Variants in FILIP1L observed in about 807,000 individuals in gnomAD.
FILIP1L encodes the protein filamin A-interacting protein 1-like.
In FILIP1L, 55 loss-of-function variants were observed where a neutral mutation model predicts 96.6. That is an observed-to-expected ratio of 0.57 (90% confidence interval 0.46 to 0.71). The LOEUF (loss-of-function observed/expected upper bound fraction) is 0.71, where lower values mean the gene tolerates loss of function less well. FILIP1L is among the 30% of genes least tolerant of loss of function. FILIP1L has a pLI of 0.00. For missense variants in FILIP1L, 1,304 were observed against 1,321.2 expected (o/e 0.99, Z 0.20); for synonymous variants, 467 against 473.9 (o/e 0.99, Z 0.19).
chr3:99,969,738 T>G (rs562979413), intron 1 of FILIP1L, among the ~76,000 whole-genome samples: 258 of 152,166 alleles, frequency 1.7e-3, no homozygotes, highest in Non-Finnish European at 3.1e-3. Flanking sequence ...AGTTGCAGGG[T>G]TTGACCTTGG....
intron 1 of FILIP1L, among the ~76,000 whole-genome samples, chr3:99,938,062 T>TGC (rs772159885): frequency 2.2e-4 from 20 of 92,048 alleles, no homozygotes; most frequent in Non-Finnish European, 3.5e-4. Flanking sequence ...TGTGTGTGTG[T>TGC]GTGTGTGTGT....
Position 100,066,625 on chromosome 3 carries a change from G to A in FILIP1L, c.-11+47428C>T, listed in dbSNP as rs1383176667. ...CGGCTCACTGCAAGCTCCGCCTCCC[G>A]GGTTCACGCCATTCTCCTGCCTCAG... On this transcript the variant is annotated intron_variant, in intron 1 of 5. Coordinates refer to ENST00000477258, the MANE Select transcript of FILIP1L (RefSeq NM_001387850.1). Among the ~76,000 whole-genome samples, 10 of 128,880 alleles carry A rather than the reference G, an allele frequency of 7.8e-5. 1 individual carries two copies. Among genetic ancestry groups the A allele is most frequent in the African/African-American group, 2.8e-4 (10 of 35,762 alleles). 84.6% of individuals were successfully genotyped at this position (128,880 alleles called of 152,430 possible). A position where few individuals can be genotyped will look rare whatever the true frequency, so the allele number is the denominator to read the frequency against.
At chr3:99,879,264 G>A (rs1444789387) in intron 4 of FILIP1L, among the ~76,000 whole-genome samples, 1 of 152,090 alleles carries the variant, frequency 6.6e-6, no homozygotes, top group Non-Finnish European at 1.5e-5. Context: ...CAAGAAACAA[G>A]GAGATACCAA....
At chr3:99,988,511 C>CAAAAAA (rs757175318) in intron 1 of FILIP1L, among the ~76,000 whole-genome samples, 9 of 47,568 alleles carry the variant, frequency 1.9e-4, no homozygotes, top group Admixed American at 3.0e-4. Context: ...GACTCCATCT[C>CAAAAAA]AAAAAAAAAA....
chr3:99,908,406 A>G (rs1353301445), intron 4 of FILIP1L, among the ~76,000 whole-genome samples: 2 of 152,210 alleles, frequency 1.3e-5, no homozygotes, highest in African/African-American at 2.4e-5. Flanking sequence ...AAATACCATT[A>G]TGTTCCTATC....
At chr3:100,091,438 A>T (rs1338420305) in intron 1 of FILIP1L, among the ~76,000 whole-genome samples, 2 of 152,182 alleles carry the variant, frequency 1.3e-5, no homozygotes, top group Non-Finnish European at 2.9e-5. Flanking sequence ...TTTGTAAGGG[A>T]AGAAGAAGTG....
chr3:99,832,667 A>G (rs1244196264), intron 5 of FILIP1L, among the ~76,000 whole-genome samples: 3 of 146,126 alleles, frequency 2.1e-5, no homozygotes, highest in Non-Finnish European at 3.0e-5. Flanking sequence ...ACACGGTGAA[A>G]CCCTGTCTCT....
At chr3:99,916,556 AC>A (rs1441508331) in intron 4 of FILIP1L, among the ~76,000 whole-genome samples, 1 of 151,980 alleles carries the variant, frequency 6.6e-6, no homozygotes, top group Admixed American at 6.6e-5. Flanking sequence ...TGTGCTAGAC[AC>A]CTTACTTAGC....
At chr3:100,005,393 C>T (rs558366214) in intron 1 of FILIP1L, among the ~76,000 whole-genome samples, 1 of 152,078 alleles carries the variant, frequency 6.6e-6, no homozygotes, top group African/African-American at 2.4e-5. Flanking sequence ...TCCCTCTACC[C>T]CCACTGTATA....
chr3:100,016,837 G>A (rs1034982158), intron 1 of FILIP1L, among the ~76,000 whole-genome samples: 3 of 152,210 alleles, frequency 2.0e-5, no homozygotes, highest in African/African-American at 7.2e-5. Context: ...AGGAACAGAT[G>A]CAGATTTCAT....
At chr3:99,911,244 G>T (rs1266447426) in intron 4 of FILIP1L, among the ~76,000 whole-genome samples, 2 of 151,472 alleles carry the variant, frequency 1.3e-5, no homozygotes, top group African/African-American at 4.8e-5. Flanking sequence ...TACAATAATG[G>T]ATAATGTGAA....
chr3:99,836,171 T>A (rs967185923), intron 5 of FILIP1L, among the ~76,000 whole-genome samples: 8 of 152,162 alleles, frequency 5.3e-5, no homozygotes, highest in African/African-American at 1.9e-4. Flanking sequence ...TGTAGTAGAT[T>A]AACTATCTTA....
intron 4 of FILIP1L, among the ~76,000 whole-genome samples, chr3:99,861,267 T>C (rs1423679863): frequency 1.3e-5 from 2 of 152,240 alleles, no homozygotes; most frequent in Non-Finnish European, 2.9e-5. Flanking sequence ...TTCAGGTAGA[T>C]GTCCCCTTAA....
At chr3:100,076,148 C>T (rs960170316) in intron 1 of FILIP1L, among the ~76,000 whole-genome samples, 11 of 152,120 alleles carry the variant, frequency 7.2e-5, no homozygotes, top group African/African-American at 2.7e-4. Context: ...GTTATCTTGC[C>T]CGGAAAACCC....
chr3:99,847,235 A>T (rs1311644280), intron 5 of FILIP1L, among the ~76,000 whole-genome samples: 2 of 151,832 alleles, frequency 1.3e-5, no homozygotes, highest in Admixed American at 6.6e-5. Flanking sequence ...AAAAAAAAAA[A>T]CTGTAAGCTT....
intron 1 of FILIP1L, among the ~76,000 whole-genome samples, chr3:100,078,562 A>C (rs2065884623): frequency 6.6e-6 from 1 of 152,044 alleles, no homozygotes; most frequent in South Asian, 2.1e-4. Flanking sequence ...CACGTAAAAT[A>C]CACCAACACT....
intron 4 of FILIP1L, among the ~76,000 whole-genome samples, chr3:99,897,178 G>A (rs1289479630): frequency 6.6e-6 from 1 of 152,150 alleles, no homozygotes; most frequent in Non-Finnish European, 1.5e-5. Context: ...AGCCAACATA[G>A]TGAAACCCAA....
At chr3:99,987,516 G>A (rs182583953) in intron 1 of FILIP1L, among the ~76,000 whole-genome samples, 9 of 143,078 alleles carry the variant, frequency 6.3e-5, no homozygotes, top group East Asian at 6.1e-4. Context: ...GTGACAGAGC[G>A]AGATTCTGTC....
chr3:99,965,480 A>G (rs1708622209), intron 1 of FILIP1L, among the ~76,000 whole-genome samples: 1 of 152,222 alleles, frequency 6.6e-6, no homozygotes, highest in African/African-American at 2.4e-5. Flanking sequence ...ATTGAGATAA[A>G]TGTTAAATTT....
Sources: allele counts gnomAD v4.1 joint callset (sites outside exome capture counted in the v4.1 genomes callset), GRCh38; gene constraint gnomAD v4.1.1; transcripts MANE v1.5; gene names NCBI Gene and HGNC (gene_info 2026-07-23, HGNC 2026-07-21).